Variants in DYDC1 observed in about 807,000 individuals in gnomAD.
DYDC1 encodes DPY30 domain containing 1, also known as DPY30 domain-containing protein 1.
In DYDC1, 21 loss-of-function variants were observed where a neutral mutation model predicts 27.9. The ratio of observed to expected loss-of-function variants is 0.75; its 90% CI spans 0.53 to 1.08. The LOEUF is 1.08. Ranked by LOEUF, DYDC1 falls within the 50% of genes least tolerant of loss-of-function variation. The pLI is 0.00. For synonymous variants in DYDC1, 67 were observed against 65.8 expected (o/e 1.02, Z -0.09); for missense variants, 202 against 205.9 (o/e 0.98, Z 0.12).
chr10:80,356,295 A>T, intron 1 of DYDC1: 1 of 985,628 alleles, frequency 1.0e-6, no homozygotes, highest in South Asian at 4.7e-5. Flanking sequence ...CCTTTCCCAC[A>T]GAAACAGCTG....
At chr10:80,341,124 C>T (rs1331743667) in intron 4 of DYDC1, among the ~76,000 whole-genome samples, 1 of 151,760 alleles carries the variant, frequency 6.6e-6, no homozygotes, top group Non-Finnish European at 1.5e-5. Context: ...GGGGGAGAAA[C>T]ATTTGATTAA....
chr10:80,347,848 T>G, intron 3 of DYDC1, among the ~76,000 whole-genome samples: 1 of 152,254 alleles, frequency 6.6e-6, no homozygotes, highest in East Asian at 1.9e-4. Flanking sequence ...CTGTTGTAAT[T>G]ACTATGGCTT....
chr10:80,346,053 G>A (rs998485798), intron 3 of DYDC1, among the ~76,000 whole-genome samples: 1 of 152,116 alleles, frequency 6.6e-6, no homozygotes, highest in Non-Finnish European at 1.5e-5. Context: ...TCCCTATGTT[G>A]CCCAAGCTGG....
At chr10:80,348,187 T>A (rs114097582) in intron 3 of DYDC1, among the ~76,000 whole-genome samples, 9,384 of 152,316 alleles carry the variant, frequency 0.062, 294 homozygotes, top group Middle Eastern at 0.1. Flanking sequence ...GTTACATTTA[T>A]TCCTACGTAT....
intron 3 of DYDC1, among the ~76,000 whole-genome samples, chr10:80,347,957 A>C (rs1461583029): frequency 2.0e-5 from 3 of 152,148 alleles, no homozygotes; most frequent in Admixed American, 6.5e-5. Flanking sequence ...CTTCCATACA[A>C]ATTTTAGAAT....
rs1298543334 is a variant in DYDC1 at position 80,338,580 on chromosome 10, A to G, written c.400-9T>C. 6.5e-7 allele frequency: 1 copy of G among 1,526,890 alleles called. No homozygotes were observed. The highest frequency in any genetic ancestry group is 8.8e-7 in the Non-Finnish European group (1 of 1,142,434). The allele number at this position is 1,526,890 out of a possible 1,614,324, so 94.6% of individuals were successfully genotyped here. A position where few individuals can be genotyped will look rare whatever the true frequency, so the allele number is the denominator to read the frequency against. On this transcript the variant is annotated splice_polypyrimidine_tract_variant and intron_variant, in intron 5 of 6. Coordinates refer to ENST00000372202, the MANE Select transcript of DYDC1 (RefSeq NM_001269053.2). The stretch of plus-strand genomic sequence containing the variant: ...GAGTCTAGTGTTGCTTCCTACAATC[A>G]AAAAATTGATTTTTACTTTTAAATG...
At chr10:80,347,324 C>CTTATATAT (rs1842728155) in intron 3 of DYDC1, among the ~76,000 whole-genome samples, 1 of 46,452 alleles carries the variant, frequency 2.2e-5, no homozygotes, top group African/African-American at 9.6e-5. Flanking sequence ...GTTTGCATTC[C>CTTATATAT]TTATATATTT....
intron 1 of DYDC1, among the ~76,000 whole-genome samples, chr10:80,353,467 G>A (rs1843132660): frequency 6.6e-6 from 1 of 150,940 alleles, no homozygotes; most frequent in South Asian, 2.1e-4. Context: ...TGGCCGACCA[G>A]ATTGTTTTTA....
At chr10:80,347,685 C>T (rs1284861380) in intron 3 of DYDC1, among the ~76,000 whole-genome samples, 1 of 152,120 alleles carries the variant, frequency 6.6e-6, no homozygotes, top group Non-Finnish European at 1.5e-5. Context: ...ATCCAGTTGT[C>T]CCAACACCGT....
chr10:80,341,215 A>T (rs1233398030), intron 4 of DYDC1, among the ~76,000 whole-genome samples: 3 of 152,002 alleles, frequency 2.0e-5, no homozygotes, highest in Non-Finnish European at 4.4e-5. Flanking sequence ...ATATGGGTCA[A>T]ACTAGAGACC....
chr10:80,353,423 A>T (rs1388589411), intron 1 of DYDC1, among the ~76,000 whole-genome samples: 1 of 149,272 alleles, frequency 6.7e-6, no homozygotes, highest in African/African-American at 2.5e-5. Context: ...CGGCCTCCCA[A>T]AGTGCTGGGA....
intron 4 of DYDC1, among the ~76,000 whole-genome samples, 155 bp from the exon 5 acceptor site, chr10:80,339,308 A>G (rs1313973444): frequency 6.6e-6 from 1 of 152,216 alleles, no homozygotes; most frequent in Non-Finnish European, 1.5e-5. Context: ...CACATTACAA[A>G]ACTGCAGATC....
chr10:80,347,037 G>A (rs555754134), intron 3 of DYDC1, among the ~76,000 whole-genome samples: 49 of 151,630 alleles, frequency 3.2e-4, no homozygotes, highest in African/African-American at 1.1e-3. Context: ...CTAAGATCAC[G>A]CCACTTCACT....
At chr10:80,349,087 T>G (rs1842836263) in intron 3 of DYDC1, among the ~76,000 whole-genome samples, 1 of 152,088 alleles carries the variant, frequency 6.6e-6, no homozygotes, top group Non-Finnish European at 1.5e-5. Context: ...GAGACGGGGT[T>G]TCACCGCGTT....
intron 5 of DYDC1, 45 bp downstream of exon 5, chr10:80,339,052 T>C (rs1418584411): frequency 9.2e-7 from 1 of 1,082,138 alleles, no homozygotes; most frequent in Non-Finnish European, 1.3e-6. Context: ...CATTCTAGGA[T>C]ACTCAATTCA....
At chr10:80,344,798 C>T in intron 3 of DYDC1, 1 of 288,242 alleles carries the variant, frequency 3.5e-6, no homozygotes, top group Non-Finnish European at 6.7e-6. Context: ...TCTGAGACCT[C>T]CCCAGCAATG....
At chr10:80,351,525 C>T (rs948830790) in intron 3 of DYDC1, among the ~76,000 whole-genome samples, 7 of 151,286 alleles carry the variant, frequency 4.6e-5, no homozygotes, top group Non-Finnish European at 1.0e-4. Context: ...CGCCAAATTA[C>T]GGTGGCCTCT....
chr10:80,351,724 A>AAAACTCAT (rs1270899408), intron 3 of DYDC1, among the ~76,000 whole-genome samples, 177 bp downstream of exon 3: 1 of 152,344 alleles, frequency 6.6e-6, no homozygotes, highest in South Asian at 2.1e-4. Flanking sequence ...TGCACTCAGG[A>AAAACTCAT]AAACTCATGG....
At chr10:80,354,051 G>C (rs905195476) in intron 1 of DYDC1, among the ~76,000 whole-genome samples, 3 of 151,568 alleles carry the variant, frequency 2.0e-5, no homozygotes, top group Non-Finnish European at 4.4e-5. Context: ...GGGAGGCGGA[G>C]CTTGCAGTGA....
Sources: allele counts gnomAD v4.1 joint callset (sites outside exome capture counted in the v4.1 genomes callset), GRCh38; gene constraint gnomAD v4.1.1; transcripts MANE v1.5; gene names NCBI Gene and HGNC (gene_info 2026-07-23, HGNC 2026-07-21).